The following ANKRD26 variants were observed in gnomAD, a reference collection of about 807,000 sequenced individuals.
ANKRD26 encodes ankyrin repeat domain-containing protein 26.
In ANKRD26, 141 loss-of-function variants were observed where a neutral mutation model predicts 208.7. The ratio of observed to expected loss-of-function variants is 0.68; its 90% CI spans 0.59 to 0.78. ANKRD26 has a LOEUF of 0.78. Ranked by LOEUF, ANKRD26 falls within the 30% of genes least tolerant of loss-of-function variation. ANKRD26 has a pLI of 0.00. For missense variants in ANKRD26, 1,889 were observed against 1,938.7 expected (o/e 0.97, Z 0.48); for synonymous variants, 636 against 660.4 (o/e 0.96, Z 0.57).
At chr10:27,053,866 A>G (rs1216810250) in intron 15 of ANKRD26, among the ~76,000 whole-genome samples, 2 of 152,254 alleles carry the variant, frequency 1.3e-5, no homozygotes, top group East Asian at 3.8e-4. Flanking sequence ...AATGTTCTCT[A>G]TAACAGTATC....
chr10:26,979,804 T>G (rs528171120), intron 5 of ANKRD26, among the ~76,000 whole-genome samples: 53 of 152,346 alleles, frequency 3.5e-4, no homozygotes, highest in African/African-American at 1.3e-3. Flanking sequence ...GGTGTCTTGG[T>G]CTTTTACAAT....
chr10:26,990,581 T>G (rs2052468575), downstream of ANKRD26, among the ~76,000 whole-genome samples: 1 of 152,132 alleles, frequency 6.6e-6, no homozygotes, highest in Non-Finnish European at 1.5e-5. Context: ...ACCCTAAGTA[T>G]GTTCTTATAA....
chr10:26,995,849 T>C (rs1190133858), intron 4 of ANKRD26, among the ~76,000 whole-genome samples: 1 of 152,132 alleles, frequency 6.6e-6, no homozygotes, highest in Non-Finnish European at 1.5e-5. Flanking sequence ...GTCATCCACG[T>C]ATTGGATGAG....
In ANKRD26 at chr10:27,059,686, G is replaced by A. The variant is rs185663162; in HGVS notation, c.1564+659C>T. On this transcript the variant is annotated intron_variant, in intron 15 of 33. Coordinates refer to ENST00000376087, the MANE Select transcript of ANKRD26 (RefSeq NM_014915.3). Reference sequence around the variant, plus strand: ...AGCACTTTGGGAGGCTAAAGCGGGCGGATCACCTGAGATCAGGAGTTCGAG... The same window carrying A: ...AGCACTTTGGGAGGCTAAAGCGGGCAGATCACCTGAGATCAGGAGTTCGAG... Among the ~76,000 whole-genome samples the A allele has an allele frequency of 1.0e-3, 152 of 151,946 alleles. 1 individual carries two copies. In the Middle Eastern group the frequency reaches 0.017, roughly 17 times the overall value.
In ANKRD26 at chr10:27,012,869, C is replaced by T. The variant is rs753449722; in HGVS notation, c.4953+13G>A. 26 of 1,606,638 alleles carry T rather than the reference C, an allele frequency of 1.6e-5. No homozygotes were observed. The highest frequency in any genetic ancestry group is 1.0e-4 in the Admixed American group (6 of 59,918). Reference sequence around the variant, plus strand: ...AATTTGAAACCCAAAGGAAAAAAGACAACATAACTAACCTTGCTCAAGTAG... The same window carrying T: ...AATTTGAAACCCAAAGGAAAAAAGATAACATAACTAACCTTGCTCAAGTAG... On this transcript the variant is annotated intron_variant, in intron 32 of 33. Coordinates refer to ENST00000376087, the MANE Select transcript of ANKRD26 (RefSeq NM_014915.3).
At chr10:26,968,032 C>T in the ANKRD26 span, among the ~76,000 whole-genome samples, 1 of 152,160 alleles carries the variant, frequency 6.6e-6, no homozygotes, top group African/African-American at 2.4e-5. Flanking sequence ...CAATCATGAT[C>T]TCCTCTGGGT....
chr10:26,991,293 G>T (rs1425995542), downstream of ANKRD26, among the ~76,000 whole-genome samples: 2 of 152,104 alleles, frequency 1.3e-5, no homozygotes, highest in East Asian at 3.8e-4. Flanking sequence ...AAAAGAAAAT[G>T]ACCACGGCAA....
At position 27,005,517 on chromosome 10, in the gene ANKRD26, TTA is replaced by T; in HGVS notation, c.*71_*72del. Reference sequence around the variant, plus strand: ...ACAAAAATACGTTCCTTTAATATTTTTACATGTCATATATTAATATTTAATGA... The same window carrying T: ...ACAAAAATACGTTCCTTTAATATTTTCATGTCATATATTAATATTTAATGA... On this transcript the variant is annotated 3_prime_UTR_variant, in exon 34 of 34. Transcript: ENST00000376087. The T allele has an allele frequency of 6.4e-7, 1 of 1,560,234 alleles. No homozygotes were observed. The highest frequency in any genetic ancestry group is 2.3e-5 in the East Asian group (1 of 43,676).
chr10:27,016,582 T>G (rs1249940485), intron 30 of ANKRD26, among the ~76,000 whole-genome samples: 1 of 151,498 alleles, frequency 6.6e-6, no homozygotes, highest in East Asian at 1.9e-4. Context: ...CAGCTTTGTT[T>G]TTTTTTTTTT....
At chr10:26,981,312 G>A (rs922510911) in intron 4 of ANKRD26, among the ~76,000 whole-genome samples, 2 of 152,224 alleles carry the variant, frequency 1.3e-5, no homozygotes, top group Admixed American at 1.3e-4. Flanking sequence ...ACTGCAAGGA[G>A]ACAAAGGCAT....
chr10:26,958,230 G>A, the ANKRD26 span, among the ~76,000 whole-genome samples: 74 of 151,946 alleles, frequency 4.9e-4, no homozygotes, highest in African/African-American at 1.5e-3. Context: ...TTATAGGTGC[G>A]TGCCAGCATA....
chr10:26,952,707 A>G, the ANKRD26 span, among the ~76,000 whole-genome samples: 1 of 152,222 alleles, frequency 6.6e-6, no homozygotes, highest in Non-Finnish European at 1.5e-5. Context: ...AAGTTCCTCA[A>G]GACTTCCAAC....
downstream of ANKRD26, among the ~76,000 whole-genome samples, chr10:26,988,879 C>CA (rs56162186): frequency 0.57 from 78,534 of 137,114 alleles, 22,832 homozygotes; most frequent in Middle Eastern, 0.68. Context: ...GACCTCTTCT[C>CA]AAAAAAAAAA....
chr10:27,006,419 T>C (rs2052883265), intron 33 of ANKRD26, among the ~76,000 whole-genome samples: 2 of 152,184 alleles, frequency 1.3e-5, no homozygotes, highest in Admixed American at 6.5e-5. Flanking sequence ...TTGGAACTTC[T>C]CCTGAGGGCA....
intron 12 of ANKRD26, among the ~76,000 whole-genome samples, 153 bp downstream of exon 12, chr10:27,063,835 C>A (rs534421999): frequency 6.6e-6 from 1 of 152,186 alleles, no homozygotes; most frequent in African/African-American, 2.4e-5. Context: ...TTGCTGACAC[C>A]TAAGATATAC....
chr10:26,995,032 T>C (rs1399583671), intron 5 of ANKRD26: 6 of 470,812 alleles, frequency 1.3e-5, no homozygotes, highest in Non-Finnish European at 2.2e-5. Flanking sequence ...ATCAGACCCA[T>C]CTGCATACCA....
rs370250539 is a variant in ANKRD26, at chr10:27,066,570, T to A, written c.1208-22A>T. 18 of 1,514,094 alleles carry A rather than the reference T, an allele frequency of 1.2e-5. No homozygotes were observed. The African/African-American group carries it at 2.5e-4, about 21-fold the overall frequency. 93.8% of individuals were successfully genotyped at this position (1,514,094 alleles called of 1,614,324 possible). ...ATATCTATCAAATGTGATACACAGA[T>A]ATATTCATGAGAACATTTACTATTG... On this transcript the variant is annotated intron_variant, in intron 10 of 33. Coordinates refer to ENST00000376087, the MANE Select transcript of ANKRD26 (RefSeq NM_014915.3).
At chr10:26,986,585 A>G (rs1340492555) in intron 3 of ANKRD26, among the ~76,000 whole-genome samples, 9 of 152,252 alleles carry the variant, frequency 5.9e-5, no homozygotes, top group Admixed American at 5.9e-4. Context: ...ATTTACAAGA[A>G]AAAAACAAAC....
chr10:27,056,720 T>G (rs1331200777), intron 15 of ANKRD26, among the ~76,000 whole-genome samples: 2 of 152,018 alleles, frequency 1.3e-5, no homozygotes, highest in Non-Finnish European at 2.9e-5. Flanking sequence ...GAGGTTGTAG[T>G]GAGCTGAGAT....
Sources: allele counts gnomAD v4.1 joint callset (sites outside exome capture counted in the v4.1 genomes callset), GRCh38; gene constraint gnomAD v4.1.1; transcripts MANE v1.5; gene names NCBI Gene and HGNC (gene_info 2026-07-23, HGNC 2026-07-21).